The following DIAPH1 variants were observed in gnomAD, a reference collection of about 807,000 sequenced individuals.
DIAPH1 encodes protein diaphanous homolog 1.
Under a neutral mutation model 140.7 loss-of-function variants are expected in DIAPH1, and 46 were observed. The ratio of observed to expected loss-of-function variants is 0.33; its 90% CI spans 0.26 to 0.42. The LOEUF (loss-of-function observed/expected upper bound fraction) is 0.42, where lower values mean the gene tolerates loss of function less well. DIAPH1 is among the 10% of genes least tolerant of loss of function. DIAPH1 has a pLI of 1.00. For missense variants in DIAPH1, 1,310 were observed against 1,558.7 expected (o/e 0.84, Z 2.69); for synonymous variants, 565 against 551.6 (o/e 1.02, Z -0.34).
chr5:141,611,187 A>G (rs1191627038), intron 1 of DIAPH1, among the ~76,000 whole-genome samples: 1 of 152,206 alleles, frequency 6.6e-6, no homozygotes, highest in African/African-American at 2.4e-5. Context: ...TCAAGGCTGC[A>G]GTGACCTATG....
intron 18 of DIAPH1, among the ~76,000 whole-genome samples, chr5:141,562,626 A>AC (rs928515083): frequency 1.3e-4 from 20 of 149,944 alleles, no homozygotes; most frequent in Non-Finnish European, 2.7e-4. Context: ...AAAACAAACA[A>AC]AAAAAAACAG....
intron 18 of DIAPH1, chr5:141,561,880 T>C (rs1050938763): frequency 3.9e-5 from 6 of 152,082 alleles, no homozygotes; most frequent in African/African-American, 1.2e-4. Context: ...GAACAAAAAC[T>C]GAAATGGAAG....
rs1320164877 is a variant in DIAPH1 at position 141,528,705 on chromosome 5, A to G, written c.3015T>C (p.Cys1005=). 3.1e-6 allele frequency: 5 copies of G among 1,614,220 alleles called. No homozygotes were observed. The South Asian group carries it at 4.4e-5, about 14-fold the overall frequency. ...CTGCCCTACCTCTTTGGCTCACCTTACAGAGGAAGCTGATATTGAAGCCAA... is the reference window on the plus strand; with the variant it reads ...CTGCCCTACCTCTTTGGCTCACCTTGCAGAGGAAGCTGATATTGAAGCCAA... ...GAFGFNISFL[C]KLRDTKSTDQ... is the part of the protein sequence containing the mutation. The change falls in exon 22 of 28, where the codon TGT becomes TGC. Residue 1005 remains cysteine (C), a synonymous_variant. Coordinates refer to ENST00000389054, the MANE Select transcript of DIAPH1 (RefSeq NM_005219.5).
In DIAPH1 at chr5:141,515,881, G is replaced by C. The variant is rs1219449122; in HGVS notation, c.*970C>G. The stretch of plus-strand genomic sequence containing the variant: ...TGCCACCAAAGCTTCTTACATTATG[G>C]AGGGGAAAGGGGGAAGGAACAGTTT... On this transcript the variant is annotated 3_prime_UTR_variant, in exon 28 of 28. Coordinates refer to ENST00000389054, the MANE Select transcript of DIAPH1 (RefSeq NM_005219.5). The C allele has an allele frequency of 6.6e-6, 1 of 152,566 alleles. No homozygotes were observed. Among genetic ancestry groups the C allele is most frequent in the African/African-American group, 2.4e-5 (1 of 41,446 alleles). The allele number at this position is 152,566 out of a possible 1,614,324, so 9.5% of individuals were successfully genotyped here.
At chr5:141,531,829 T>C (rs547848231) in intron 19 of DIAPH1, among the ~76,000 whole-genome samples, 67 of 152,238 alleles carry the variant, frequency 4.4e-4, no homozygotes, top group Non-Finnish European at 8.5e-4. Flanking sequence ...CTTATTCTCA[T>C]CACCTTAGTT....
chr5:141,582,343 A>G lies in DIAPH1; in HGVS notation c.653T>C (p.Ile218Thr). ...GTTCATAAAAGCTTTCAAGCAGCGA[A>G]TGATCTCATGCTTGTTCCGGCTATC... ...SYDSRNKHEIIRCLKAFMNNK... is the reference protein window; with the variant it reads ...SYDSRNKHEITRCLKAFMNNK... The change falls in exon 7 of 28, where the codon ATT becomes ACT. Residue 218 changes from isoleucine (I) to threonine (T), a missense_variant. By Grantham distance (89) the Ile-to-Thr change is moderately conservative. Around this residue, in one of 3 missense-constraint regions of DIAPH1, gnomAD observed 377 missense variants for 497.1 expected, o/e 0.76. Coordinates refer to ENST00000389054, the MANE Select transcript of DIAPH1 (RefSeq NM_005219.5). The G allele has an allele frequency of 6.2e-7, 1 of 1,613,976 alleles. No individual in the cohort carries two copies. The highest frequency in any genetic ancestry group is 2.2e-5 in the East Asian group (1 of 44,862).
intron 1 of DIAPH1, among the ~76,000 whole-genome samples, chr5:141,606,389 C>T (rs1262472310): frequency 6.6e-6 from 1 of 152,078 alleles, no homozygotes; most frequent in East Asian, 1.9e-4. Flanking sequence ...ATCCTGCTTT[C>T]ATTTTTATTT....
At chr5:141,552,158 G>A (rs72790098) in intron 18 of DIAPH1, among the ~76,000 whole-genome samples, 3,501 of 152,032 alleles carry the variant, frequency 0.023, 53 homozygotes, top group East Asian at 0.046. Context: ...TGGATTATCT[G>A]GGTAGGCTCA....
At chr5:141,520,114 G>A (rs998733447) in intron 27 of DIAPH1, among the ~76,000 whole-genome samples, 2 of 152,208 alleles carry the variant, frequency 1.3e-5, no homozygotes, top group Non-Finnish European at 2.9e-5. Context: ...TACTAAAGAG[G>A]AAGTGCTCTT....
chr5:141,570,370 A>G (rs1345232504), intron 18 of DIAPH1, among the ~76,000 whole-genome samples: 1 of 152,186 alleles, frequency 6.6e-6, no homozygotes, highest in Non-Finnish European at 1.5e-5. Context: ...TTTAATTAAG[A>G]GAGTGGAATT....
chr5:141,583,281 G>T lies in DIAPH1; in HGVS notation c.545C>A (p.Thr182Lys), dbSNP rs746125273. ...GGAGGCCAAGCCTTCAGCACCAAAT[G>T]TTTGCACCCAACTGTAAGGAACAGA... ...LNNNPVSWVQ[T>K]FGAEGLASLL... is the part of the protein sequence containing the mutation. Residue 182 changes from threonine (T) to lysine (K), a missense_variant, in exon 6 of 28, where the codon ACA becomes AAA. Thr to Lys is a moderately conservative substitution (Grantham distance 78). This residue lies in a region of DIAPH1 where 377 missense variants were observed against 497.1 expected (regional missense o/e 0.76). Transcript: ENST00000389054. The T allele has an allele frequency of 9.9e-6, 16 of 1,614,034 alleles. No individual in the cohort carries two copies. The Admixed American group carries it at 2.7e-4, about 27-fold the overall frequency.
chr5:141,564,145 A>G (rs1486180222), intron 18 of DIAPH1: 1 of 152,238 alleles, frequency 6.6e-6, no homozygotes, highest in East Asian at 1.9e-4. Context: ...CTGGACCCCA[A>G]AAAGAACACG....
At chr5:141,535,502 C>T (rs886723219) in intron 18 of DIAPH1, among the ~76,000 whole-genome samples, 13 of 152,112 alleles carry the variant, frequency 8.5e-5, no homozygotes, top group Non-Finnish European at 4.4e-5. Context: ...ACATTGCATA[C>T]GTATTATCTT....
intron 18 of DIAPH1, among the ~76,000 whole-genome samples, chr5:141,551,198 C>G (rs1172229021): frequency 6.6e-6 from 1 of 152,148 alleles, no homozygotes; most frequent in Non-Finnish European, 1.5e-5. Flanking sequence ...GCCTATAATC[C>G]CAGCACTTTG....
chr5:141,521,856 G>C (rs974064801), intron 27 of DIAPH1, among the ~76,000 whole-genome samples: 6 of 152,024 alleles, frequency 3.9e-5, no homozygotes, highest in Non-Finnish European at 1.5e-5. Context: ...TAATCCTGTT[G>C]TCACTGCACA....
intron 18 of DIAPH1, among the ~76,000 whole-genome samples, chr5:141,554,254 G>T (rs978813025): frequency 3.3e-5 from 5 of 152,076 alleles, no homozygotes; most frequent in African/African-American, 9.7e-5. Context: ...TCCAGCCTGG[G>T]CAACAAGAGC....
At position 141,550,128 on chromosome 5, in the gene DIAPH1, G is replaced by C. The variant is rs187867005; in HGVS notation, c.2483-15695C>G. 4.5e-4 allele frequency among the ~76,000 whole-genome samples: 68 copies of C among 152,054 alleles called. 1 individual carries two copies. Among genetic ancestry groups the C allele is most frequent in the South Asian group, 1.2e-3 (6 of 4,810 alleles). On this transcript the variant is annotated intron_variant, in intron 18 of 27. Transcript: ENST00000389054. ...CAAAAAGCAGTATAAAAGATAAAGAGGGACTTTCTATACTGATTAAAAAAA... is the reference window on the plus strand; with the variant it reads ...CAAAAAGCAGTATAAAAGATAAAGACGGACTTTCTATACTGATTAAAAAAA...
chr5:141,582,293 AGAATGG>A lies in DIAPH1; in HGVS notation c.684+13_684+18del. 6.2e-7 allele frequency: 1 copy of A among 1,606,900 alleles called. No individual in the cohort carries two copies. The highest frequency in any genetic ancestry group is 8.5e-7 in the Non-Finnish European group (1 of 1,173,414). ...AGGCGTCCAGATGGGGTTTGGAATG[AGAATGG>A]GAAAAATCTCACCTTGTTGTTCATA... is the stretch of plus-strand genomic sequence containing the variant. On this transcript the variant is annotated intron_variant, in intron 7 of 27. Transcript: ENST00000389054.
chr5:141,537,165 T>A (rs1396524871), intron 18 of DIAPH1, among the ~76,000 whole-genome samples: 2 of 151,468 alleles, frequency 1.3e-5, no homozygotes, highest in African/African-American at 4.9e-5. Context: ...GAGTCCCTAG[T>A]CTCCAAAAAA....
Sources: allele counts gnomAD v4.1 joint callset (sites outside exome capture counted in the v4.1 genomes callset), GRCh38; gene constraint gnomAD v4.1.1; regional missense constraint gnomAD v4.1.1; transcripts MANE v1.5; gene names NCBI Gene and HGNC (gene_info 2026-07-23, HGNC 2026-07-21).